The following LPAR5 variants were observed in gnomAD, a reference collection of about 807,000 sequenced individuals.
LPAR5 encodes the protein G protein-coupled receptor 92.
For synonymous variants in LPAR5, 271 were observed against 261.6 expected (o/e 1.04, Z -0.35); for missense variants, 544 against 521.8 (o/e 1.04, Z -0.41).
chr12:6,618,962 A>AGT lies in LPAR5; in HGVS notation c.*1166_*1167dup, dbSNP rs1948861476. The AGT allele has an allele frequency of 4.6e-5, 7 of 152,250 alleles. No homozygotes were observed. Among genetic ancestry groups the AGT allele is most frequent in the Non-Finnish European group, 8.8e-5 (6 of 68,048 alleles). 9.4% of individuals were successfully genotyped at this position (152,250 alleles called of 1,614,324 possible). ...ACTTCAGGACAAGTATGGTTCTCAA[A>AGT]GTGTGATCCAGGGACCAACCCTCTG... On this transcript the variant is annotated 3_prime_UTR_variant, in exon 2 of 2. Coordinates refer to ENST00000329858, the MANE Select transcript of LPAR5 (RefSeq NM_020400.6).
At chr12:6,623,748 T>C (rs1948912744) in intron 1 of LPAR5, among the ~76,000 whole-genome samples, 1 of 152,130 alleles carries the variant, frequency 6.6e-6, no homozygotes, top group African/African-American at 2.4e-5. Context: ...GGGAGACAGA[T>C]AATAAGCACA....
At chr12:6,623,084 A>G (rs1464731916) in intron 1 of LPAR5, among the ~76,000 whole-genome samples, 2 of 152,170 alleles carry the variant, frequency 1.3e-5, no homozygotes, top group Non-Finnish European at 2.9e-5. Flanking sequence ...CTAAAAATAC[A>G]AAAATTAGCC....
chr12:6,621,493 TAC>T lies in LPAR5; in HGVS notation c.-216-31_-216-30del, dbSNP rs762527361. On this transcript the variant is annotated intron_variant, in intron 1 of 1. Transcript: ENST00000329858. Reference sequence around the variant, plus strand: ...GAATAGGAAGGCAAGCCGGAAGTTATACAGAGACAGGGCTGCACACACAAATG... The same window carrying T: ...GAATAGGAAGGCAAGCCGGAAGTTATAGAGACAGGGCTGCACACACAAATG... 7.6e-5 allele frequency: 31 copies of T among 407,228 alleles called. 1 individual carries two copies. The highest frequency in any genetic ancestry group is 6.3e-4 in the Middle Eastern group (1 of 1,588). 25.2% of individuals were successfully genotyped at this position (407,228 alleles called of 1,614,324 possible).
At chr12:6,630,938 C>T (rs890882411) in intron 1 of LPAR5, among the ~76,000 whole-genome samples, 8 of 152,036 alleles carry the variant, frequency 5.3e-5, no homozygotes, top group African/African-American at 1.7e-4. Flanking sequence ...GGCCAGATGG[C>T]GAAGATGGAA....
rs1948874664 is a variant in LPAR5, at chr12:6,620,068, G to A, written c.*62C>T. On this transcript the variant is annotated 3_prime_UTR_variant, in exon 2 of 2. Coordinates refer to ENST00000329858, the MANE Select transcript of LPAR5 (RefSeq NM_020400.6). The surrounding 1 kb of genome is among the most constrained non-coding windows in gnomAD (Gnocchi z 6.8). Reference sequence around the variant, plus strand: ...GCCCACCTTCTTGTGTGTACACCCTGTAAGCCTCCCAGAACGAGAGGCGTT... The same window carrying A: ...GCCCACCTTCTTGTGTGTACACCCTATAAGCCTCCCAGAACGAGAGGCGTT... 6.3e-7 allele frequency: 1 copy of A among 1,598,294 alleles called. No homozygotes were observed. Among genetic ancestry groups the A allele is most frequent in the East Asian group, 2.3e-5 (1 of 44,228 alleles).
Position 6,629,151 on chromosome 12 carries a change from G to A in LPAR5, c.-217+6756C>T, listed in dbSNP as rs1208547360. The stretch of plus-strand genomic sequence containing the variant: ...AGCACTTTGGGAGGCCGAGGTGGGC[G>A]GATTACCTGAGGTCAGGAGTTCGAG... On this transcript the variant is annotated intron_variant, in intron 1 of 1. Coordinates refer to ENST00000329858, the MANE Select transcript of LPAR5 (RefSeq NM_020400.6). Among the ~76,000 whole-genome samples the A allele has an allele frequency of 4.8e-5, 7 of 145,196 alleles. No individual in the cohort carries two copies. The East Asian group carries it at 1.5e-3, about 31-fold the overall frequency.
chr12:6,625,639 C>T (rs191553635), intron 1 of LPAR5, among the ~76,000 whole-genome samples: 2 of 149,700 alleles, frequency 1.3e-5, no homozygotes, highest in Admixed American at 6.7e-5. Flanking sequence ...AGGAGACTGG[C>T]GGGAACCCGG....
At chr12:6,627,566 G>C (rs1223455487) in intron 1 of LPAR5, among the ~76,000 whole-genome samples, 1 of 152,226 alleles carries the variant, frequency 6.6e-6, no homozygotes, top group Non-Finnish European at 1.5e-5. Context: ...ACTCCAGCTT[G>C]AGTGACAAAA....
chr12:6,619,861 C>T lies in LPAR5; in HGVS notation c.*269G>A, dbSNP rs1592295499. The stretch of plus-strand genomic sequence containing the variant: ...CCACCCAAAGGCATTTCGTCCTCTT[C>T]TGCCCTCTGCACGGGTGGGCTCTCT... On this transcript the variant is annotated 3_prime_UTR_variant, in exon 2 of 2. Coordinates refer to ENST00000329858, the MANE Select transcript of LPAR5 (RefSeq NM_020400.6). 3 of 652,862 alleles carry T rather than the reference C, an allele frequency of 4.6e-6. No individual in the cohort carries two copies. The highest frequency in any genetic ancestry group is 1.6e-5 in the South Asian group (1 of 64,202). The allele number at this position is 652,862 out of a possible 1,614,324, so 40.4% of individuals were successfully genotyped here.
At chr12:6,625,838 G>T (rs1026353577) in intron 1 of LPAR5, among the ~76,000 whole-genome samples, 2 of 151,964 alleles carry the variant, frequency 1.3e-5, no homozygotes, top group African/African-American at 4.8e-5. Context: ...GTCTCACTCC[G>T]TGGTCCAGGC....
Position 6,620,416 on chromosome 12 carries a change from AC to A in LPAR5, c.832del (p.Val278CysfsTer2). The A allele has an allele frequency of 1.2e-6, 2 of 1,608,396 alleles. No individual in the cohort carries two copies. Among genetic ancestry groups the A allele is most frequent in the Middle Eastern group, 3.3e-4 (2 of 6,044 alleles). Reference protein sequence around the residue: ...SVPARDRVRGVLMVMVLLAGA... With the variant: ...SVPARDRVRGXLMVMVLLAGA... ...GGCCAGCAGCACCATCACCATCAGC[AC>A]CCCGCGCACGCGATCGCGGGCAGGC... is the stretch of plus-strand genomic sequence containing the variant. On this transcript the variant is annotated frameshift_variant, in exon 2 of 2. Coordinates refer to ENST00000329858, the MANE Select transcript of LPAR5 (RefSeq NM_020400.6). LOFTEE classifies it low-confidence loss of function (END_TRUNC). This position sits in a 1 kb window ranked among gnomAD's most constrained non-coding sequence, Gnocchi z 6.8.
At chr12:6,628,633 T>C (rs1429407874) in intron 1 of LPAR5, among the ~76,000 whole-genome samples, 2 of 119,598 alleles carry the variant, frequency 1.7e-5, no homozygotes, top group Non-Finnish European at 3.1e-5. Flanking sequence ...GCTAATTTCT[T>C]TTTTTTTTTT....
intron 1 of LPAR5, among the ~76,000 whole-genome samples, chr12:6,630,478 G>A (rs1329065888): frequency 6.0e-5 from 4 of 66,370 alleles, no homozygotes; most frequent in Admixed American, 2.3e-4. Flanking sequence ...TTTTTGAGAC[G>A]GAGTCTCCCC....
At position 6,621,076 on chromosome 12, in the gene LPAR5, C is replaced by G. The variant is rs374451689; in HGVS notation, c.173G>C (p.Ser58Thr). ...LRALRVHSVV[S>T]VYMCNLAASD... The stretch of plus-strand genomic sequence containing the variant: ...GGCCGCCAGGTTACACATGTACACG[C>G]TCACCACCGAGTGCACGCGCAGCGC... The change falls in exon 2 of 2, where the codon AGC becomes ACC. Residue 58 changes from serine (S) to threonine (T), a missense_variant. Coordinates refer to ENST00000329858, the MANE Select transcript of LPAR5 (RefSeq NM_020400.6). 3.7e-6 allele frequency: 6 copies of G among 1,603,504 alleles called. No homozygotes were observed. Among genetic ancestry groups the G allele is most frequent in the Non-Finnish European group, 5.1e-6 (6 of 1,173,834 alleles).
At position 6,620,232 on chromosome 12, in the gene LPAR5, G is replaced by C; in HGVS notation, c.1017C>G (p.Thr339=). ...LAQSERSAVT[T]DATRPDAASQ... ...TGGCGGCATCCGGCCTGGTGGCGTC[G>C]GTGGTGACGGCGGACCTTTCGGATT... is the stretch of plus-strand genomic sequence containing the variant. The change falls in exon 2 of 2, where the codon ACC becomes ACG. Residue 339 remains threonine (T), a synonymous_variant. Transcript: ENST00000329858. The surrounding 1 kb of genome is among the most constrained non-coding windows in gnomAD (Gnocchi z 6.8). 1 of 1,611,612 alleles carries C rather than the reference G, an allele frequency of 6.2e-7. No individual in the cohort carries two copies. Among genetic ancestry groups the C allele is most frequent in the Non-Finnish European group, 8.5e-7 (1 of 1,178,932 alleles).
At position 6,620,469 on chromosome 12, in the gene LPAR5, C is replaced by T. The variant is rs1353962710; in HGVS notation, c.780G>A (p.Leu260=). Residue 260 remains leucine, a synonymous_variant, in exon 2 of 2, where the codon CTG becomes CTA. Coordinates refer to ENST00000329858, the MANE Select transcript of LPAR5 (RefSeq NM_020400.6). The surrounding 1 kb of genome is among the most constrained non-coding windows in gnomAD (Gnocchi z 6.8). ...CGCTGGCCGCCACCAGCTTGCTCCG[C>T]AGCAGCCCGTAGACCGCCAGCGTGC... ...YNSTLAVYGL[L]RSKLVAASVP... 1.3e-6 allele frequency: 2 copies of T among 1,590,184 alleles called. No individual in the cohort carries two copies. The highest frequency in any genetic ancestry group is 1.7e-6 in the Non-Finnish European group (2 of 1,168,522).
At chr12:6,621,938 T>G (rs1475745676) in intron 1 of LPAR5, among the ~76,000 whole-genome samples, 63 of 132,322 alleles carry the variant, frequency 4.8e-4, no homozygotes, top group Middle Eastern at 5.1e-3. Context: ...GACCAACCTG[T>G]CCAATATGGT....
chr12:6,627,618 T>G (rs1176839775), intron 1 of LPAR5, among the ~76,000 whole-genome samples: 2 of 152,082 alleles, frequency 1.3e-5, no homozygotes, highest in Non-Finnish European at 2.9e-5. Context: ...CTCCTTAAAA[T>G]TCCCCCTTAA....
In LPAR5 at chr12:6,620,451, C is replaced by T. The variant is rs1415818358; in HGVS notation, c.798G>A (p.Ala266=). ...CGCGATCGCGGGCAGGCACGCTGGC[C>T]GCCACCAGCTTGCTCCGCAGCAGCC... is the stretch of plus-strand genomic sequence containing the variant. ...VYGLLRSKLV[A]ASVPARDRVR... Residue 266 remains alanine (A), a synonymous_variant, in exon 2 of 2, where the codon GCG becomes GCA. Coordinates refer to ENST00000329858, the MANE Select transcript of LPAR5 (RefSeq NM_020400.6). The surrounding 1 kb of genome is among the most constrained non-coding windows in gnomAD (Gnocchi z 6.8). 1 of 1,595,046 alleles carries T rather than the reference C, an allele frequency of 6.3e-7. No homozygotes were observed. The highest frequency in any genetic ancestry group is 8.5e-7 in the Non-Finnish European group (1 of 1,171,278).
Sources: gnomAD v4.1 joint callset for allele counts (sites outside exome capture counted in the v4.1 genomes callset) on GRCh38, gnomAD v4.1.1 for gene constraint, Gnocchi (gnomAD v3.1) non-coding constraint, MANE v1.5 for transcripts, NCBI Gene and HGNC (gene_info 2026-07-23, HGNC 2026-07-21) for gene names.